TMEM178B: variants seen among roughly 807,000 people sequenced by gnomAD.
The protein encoded by TMEM178B is transmembrane protein 178B.
In TMEM178B, 5 loss-of-function variants were observed where a neutral mutation model predicts 31.0. The observed-to-expected ratio is 0.16, with a 90% CI of 0.08 to 0.34. The LOEUF is 0.34. Among genes scored for constraint, TMEM178B ranks in the 10% least tolerant of loss-of-function variants. TMEM178B has a pLI of 1.00. For missense variants in TMEM178B, 275 were observed against 400.3 expected, an observed-to-expected ratio of 0.69 and a Z score of 2.67; for synonymous variants, 164 against 164.0, an observed-to-expected ratio of 1.00 and a Z score of 0.00.
intron 1 of TMEM178B, among the ~76,000 whole-genome samples, chr7:141,132,053 T>G (rs1457429656): frequency 1.3e-5 from 2 of 152,220 alleles, no homozygotes; most frequent in African/African-American, 4.8e-5. Context: ...TCCTCTTTCT[T>G]TCTCACCATA....
chr7:141,375,276 G>A (rs1309388146), intron 2 of TMEM178B, among the ~76,000 whole-genome samples: 1 of 152,152 alleles, frequency 6.6e-6, no homozygotes, highest in Non-Finnish European at 1.5e-5. Flanking sequence ...TTTCAGTGTG[G>A]TCCATGTTTG....
At chr7:141,335,608 A>T (rs956875222) in intron 2 of TMEM178B, among the ~76,000 whole-genome samples, 1 of 151,938 alleles carries the variant, frequency 6.6e-6, no homozygotes, top group Non-Finnish European at 1.5e-5. Context: ...GTAACAGTAC[A>T]GTGCACAGTT....
At chr7:141,086,412 A>G (rs1794788656) in intron 1 of TMEM178B, among the ~76,000 whole-genome samples, 1 of 152,240 alleles carries the variant, frequency 6.6e-6, no homozygotes, top group Admixed American at 6.5e-5. Flanking sequence ...TGTTAATATT[A>G]TTACATGAAG....
rs562801228 is a variant in TMEM178B, at chr7:141,281,467, G to A, written c.496+68763G>A. ...TATCTAGTCTCTAGTTGAGGACTGA[G>A]CAGCGAACGTGCGTTGTCTGTCTGG... On this transcript the variant is annotated intron_variant, in intron 2 of 3. Coordinates refer to ENST00000565468, the MANE Select transcript of TMEM178B (RefSeq NM_001195278.2). Among the ~76,000 whole-genome samples the A allele has an allele frequency of 2.6e-5, 4 of 152,274 alleles. No individual in the cohort carries two copies. The South Asian group carries it at 8.3e-4, about 32-fold the overall frequency.
intron 2 of TMEM178B, among the ~76,000 whole-genome samples, chr7:141,313,527 C>A (rs931738502): frequency 6.6e-6 from 1 of 152,206 alleles, no homozygotes; most frequent in Non-Finnish European, 1.5e-5. Context: ...CAGACATTTT[C>A]TTTTGAGGAA....
chr7:141,495,052 AC>A, the TMEM178B span, among the ~76,000 whole-genome samples: 1 of 152,214 alleles, frequency 6.6e-6, no homozygotes, highest in Non-Finnish European at 1.5e-5. Context: ...AAAAATAAAA[AC>A]CATGTTTTCC....
In TMEM178B at chr7:141,452,736, A is replaced by T. The variant is rs149699455; in HGVS notation, c.634+14991A>T. 3.1e-3 allele frequency among the ~76,000 whole-genome samples: 467 copies of T among 152,166 alleles called. 7 individuals carry two copies. Among genetic ancestry groups the T allele is most frequent in the African/African-American group, 0.01 (420 of 41,512 alleles). On this transcript the variant is annotated intron_variant, in intron 3 of 3. Coordinates refer to ENST00000565468, the MANE Select transcript of TMEM178B (RefSeq NM_001195278.2). ...TTTAGATAAAACAAGTTAATATATT[A>T]AAAAAAATATCTAGCAGAGAGTAGG...
chr7:141,354,731 C>A (rs963162949), intron 2 of TMEM178B, among the ~76,000 whole-genome samples: 2 of 152,128 alleles, frequency 1.3e-5, no homozygotes, highest in Non-Finnish European at 2.9e-5. Context: ...TTTCGTGGTT[C>A]CTATTTGTTC....
intron 1 of TMEM178B, among the ~76,000 whole-genome samples, chr7:141,162,245 CT>C (rs1489626043): frequency 6.6e-6 from 1 of 152,234 alleles, no homozygotes; most frequent in Non-Finnish European, 1.5e-5. Flanking sequence ...TTGTCCTGCT[CT>C]TTCTCTCCAG....
intron 2 of TMEM178B, among the ~76,000 whole-genome samples, chr7:141,302,341 G>A (rs1798742716): frequency 6.6e-6 from 1 of 152,168 alleles, no homozygotes. Context: ...GTCACAAAAG[G>A]ACAAATATTG....
chr7:141,485,658 G>A, the TMEM178B span, among the ~76,000 whole-genome samples: 1 of 152,210 alleles, frequency 6.6e-6, no homozygotes, highest in Non-Finnish European at 1.5e-5. Context: ...GAATACCAGT[G>A]GGAAAGGATT....
At chr7:141,324,178 C>T (rs755426419) in intron 2 of TMEM178B, among the ~76,000 whole-genome samples, 2 of 151,926 alleles carry the variant, frequency 1.3e-5, no homozygotes, top group African/African-American at 2.4e-5. Context: ...AAGCTTTGAT[C>T]GGAGGACAGA....
chr7:141,475,216 T>C lies in TMEM178B; in HGVS notation c.*4430T>C, dbSNP rs1000921079. 6.6e-5 allele frequency: 10 copies of C among 152,248 alleles called. No homozygotes were observed. Among genetic ancestry groups the C allele is most frequent in the Admixed American group, 1.3e-4 (2 of 15,296 alleles). 9.4% of individuals were successfully genotyped at this position (152,248 alleles called of 1,614,324 possible). A position where few individuals can be genotyped will look rare whatever the true frequency, so the allele number is the denominator to read the frequency against. On this transcript the variant is annotated 3_prime_UTR_variant, in exon 4 of 4. Coordinates refer to ENST00000565468, the MANE Select transcript of TMEM178B (RefSeq NM_001195278.2). ...ATGCCATCTTCCAGCTGGTGTGGGA[T>C]AGACTAAGGGGGCAGATTTTTAAGA...
intron 1 of TMEM178B, among the ~76,000 whole-genome samples, chr7:141,129,402 C>A (rs1184400598): frequency 6.6e-6 from 1 of 152,112 alleles, no homozygotes; most frequent in African/African-American, 2.4e-5. Context: ...AAGCTACATA[C>A]AATAAAGTGC....
At chr7:141,107,736 G>A (rs1325424811) in intron 1 of TMEM178B, among the ~76,000 whole-genome samples, 1 of 152,190 alleles carries the variant, frequency 6.6e-6, no homozygotes, top group Non-Finnish European at 1.5e-5. Context: ...CTAGAGTTTA[G>A]CAGAACAATC....
chr7:141,438,653 G>A (rs1199772084), intron 3 of TMEM178B, among the ~76,000 whole-genome samples: 1 of 133,474 alleles, frequency 7.5e-6, no homozygotes, highest in East Asian at 2.5e-4. Flanking sequence ...GAGGTCAGGA[G>A]TTCGAGACCA....
intron 1 of TMEM178B, among the ~76,000 whole-genome samples, chr7:141,192,024 A>G (rs747722337): frequency 2.0e-5 from 3 of 152,172 alleles, no homozygotes; most frequent in Non-Finnish European, 2.9e-5. Flanking sequence ...TGTGCCTTCA[A>G]TTTTATCTTA....
At chr7:141,163,396 G>A (rs1346210571) in intron 1 of TMEM178B, among the ~76,000 whole-genome samples, 1 of 152,166 alleles carries the variant, frequency 6.6e-6, no homozygotes, top group Non-Finnish European at 1.5e-5. Flanking sequence ...CAGGGATAAC[G>A]ACTCTACTTC....
intron 2 of TMEM178B, among the ~76,000 whole-genome samples, chr7:141,267,549 C>A (rs1798113586): frequency 6.6e-6 from 1 of 152,160 alleles, no homozygotes. Flanking sequence ...CTCCAGGGCC[C>A]AGGCTTGGAT....
Sources: gnomAD v4.1 joint callset for allele counts (sites outside exome capture counted in the v4.1 genomes callset) on GRCh38, gnomAD v4.1.1 for gene constraint, MANE v1.5 for transcripts, NCBI Gene and HGNC (gene_info 2026-07-23, HGNC 2026-07-21) for gene names.